The following RABGAP1 variants were observed in gnomAD, a reference collection of about 807,000 sequenced individuals.
RABGAP1 encodes RAB GTPase activating protein 1.
In RABGAP1, 23 loss-of-function variants were observed where a neutral mutation model predicts 137.6. That is an observed-to-expected ratio of 0.17 (90% CI 0.12 to 0.24). RABGAP1 has a LOEUF of 0.24. RABGAP1 is among the 10% of genes least tolerant of loss of function. The probability of loss-of-function intolerance (pLI) is 1.00; values close to 1 mark genes in which losing one functional copy is unlikely to be tolerated. For synonymous variants in RABGAP1, 451 were observed against 450.7 expected (o/e 1.00, Z -0.01); for missense variants, 906 against 1,275.8 (o/e 0.71, Z 4.42).
At chr9:122,946,284 TG>T (rs2131586478) in intron 1 of RABGAP1, among the ~76,000 whole-genome samples, 1 of 152,330 alleles carries the variant, frequency 6.6e-6, no homozygotes, top group Non-Finnish European at 1.5e-5. Context: ...TTGAATGATT[TG>T]CCTGCTGAGT....
intron 4 of RABGAP1, among the ~76,000 whole-genome samples, chr9:122,988,754 T>C (rs961430606): frequency 1.3e-5 from 2 of 151,854 alleles, no homozygotes; most frequent in South Asian, 2.1e-4. Context: ...TTGAGACCAT[T>C]CTGGCTAACC....
chr9:123,038,254 G>A (rs2032773650), intron 13 of RABGAP1, among the ~76,000 whole-genome samples: 2 of 152,024 alleles, frequency 1.3e-5, no homozygotes, highest in South Asian at 4.2e-4. Flanking sequence ...TTCCATTTTG[G>A]AAAAGGTTTT....
chr9:123,052,185 A>T (rs367819006), intron 13 of RABGAP1, among the ~76,000 whole-genome samples: 2 of 152,152 alleles, frequency 1.3e-5, no homozygotes, highest in Non-Finnish European at 2.9e-5. Flanking sequence ...CACTTTTACA[A>T]TATGTTCATT....
At chr9:122,974,224 TA>T (rs1425951721) in intron 2 of RABGAP1, among the ~76,000 whole-genome samples, 1 of 151,966 alleles carries the variant, frequency 6.6e-6, no homozygotes, top group Non-Finnish European at 1.5e-5. Flanking sequence ...AATTGTTGCC[TA>T]AAGAAGAAAA....
At chr9:122,987,098 C>T (rs575169121) in intron 4 of RABGAP1, among the ~76,000 whole-genome samples, 11 of 152,152 alleles carry the variant, frequency 7.2e-5, no homozygotes, top group African/African-American at 2.7e-4. Context: ...GATCATGCCA[C>T]TTCACTCCAG....
In RABGAP1 at chr9:122,996,028, T is replaced by C. The variant is rs1837006595; in HGVS notation, c.924-13T>C. ...AATGCTTTGCAAAATTAATGAAACA[T>C]GTTGGTCTACAGTGCAGTTCCCAAA... On this transcript the variant is annotated splice_polypyrimidine_tract_variant and intron_variant, in intron 6 of 25. Transcript: ENST00000373647. The C allele has an allele frequency of 2.6e-6, 4 of 1,565,474 alleles. No individual in the cohort carries two copies. In the African/African-American group the frequency reaches 4.2e-5, roughly 16 times the overall value.
intron 13 of RABGAP1, among the ~76,000 whole-genome samples, chr9:123,023,755 T>C (rs190121542): frequency 1.3e-5 from 2 of 152,346 alleles, no homozygotes; most frequent in Admixed American, 1.3e-4. Context: ...ATTATACTTA[T>C]TTAGACAATA....
chr9:123,087,127 T>C (rs182886225), intron 19 of RABGAP1, among the ~76,000 whole-genome samples: 3 of 152,318 alleles, frequency 2.0e-5, no homozygotes, highest in Admixed American at 2.0e-4. Context: ...CAACTCTTGT[T>C]ATATATGATA....
intron 10 of RABGAP1, among the ~76,000 whole-genome samples, chr9:122,999,434 G>A (rs895728330): frequency 2.0e-5 from 3 of 151,280 alleles, no homozygotes; most frequent in Non-Finnish European, 2.9e-5. Flanking sequence ...CAGGTCATCC[G>A]CCCACCTCAG....
At chr9:122,981,627 G>A (rs1046599848) in intron 2 of RABGAP1, among the ~76,000 whole-genome samples, 12 of 152,180 alleles carry the variant, frequency 7.9e-5, no homozygotes, top group African/African-American at 2.9e-4. Context: ...GTCTGTCTTA[G>A]CAAGCTCTCC....
chr9:123,016,981 C>T (rs192944801), intron 12 of RABGAP1, among the ~76,000 whole-genome samples: 3 of 152,242 alleles, frequency 2.0e-5, no homozygotes, highest in Admixed American at 6.5e-5. Flanking sequence ...AACCAAAGCA[C>T]GATTTGTCTT....
At chr9:123,021,919 A>G (rs772509083) in intron 13 of RABGAP1, among the ~76,000 whole-genome samples, 3 of 152,248 alleles carry the variant, frequency 2.0e-5, no homozygotes, top group Non-Finnish European at 2.9e-5. Flanking sequence ...TAACAGTTCT[A>G]TCTGGGAGAA....
At chr9:122,936,498 GTC>G (rs1715300772), upstream of RABGAP1, among the ~76,000 whole-genome samples, 1 of 152,180 alleles carries the variant, frequency 6.6e-6, no homozygotes, top group Non-Finnish European at 1.5e-5. Context: ...GTTAATTTCA[GTC>G]TCTGTCAGCT....
rs563575065 is a variant in RABGAP1 at position 122,979,225 on chromosome 9, G to T, written c.151-5260G>T. 3.9e-5 allele frequency among the ~76,000 whole-genome samples: 6 copies of T among 152,192 alleles called. No homozygotes were observed. In the East Asian group the frequency reaches 9.7e-4, roughly 24 times the overall value. On this transcript the variant is annotated intron_variant, in intron 2 of 25. Transcript: ENST00000373647. ...TAGTCATTCTTATAAGGGTATAGAG[G>T]CATCCTATTATAATTTCTATTTCCC...
rs1564193686 is a variant in RABGAP1 at position 123,098,763 on chromosome 9, A to T, written c.2782A>T (p.Lys928Ter). ...ACTCGACAAGGCAGAATCTGAGATT[A>T]AAAAAAACAGTTCTATCATTGGTGA... ...RELDKAESEI[K>*]KNSSIIGDYK... Residue 928 changes from lysine to a stop codon, truncating the protein, a stop_gained, in exon 23 of 26, where the codon AAA becomes TAA. Coordinates refer to ENST00000373647, the MANE Select transcript of RABGAP1 (RefSeq NM_012197.4). LOFTEE classifies it high-confidence loss of function. 1 of 1,609,112 alleles carries T rather than the reference A, an allele frequency of 6.2e-7. No homozygotes were observed. The highest frequency in any genetic ancestry group is 1.1e-5 in the South Asian group (1 of 90,768).
chr9:123,074,566 T>C, intron 17 of RABGAP1, 138 bp downstream of exon 17: 1 of 955,050 alleles, frequency 1.0e-6, no homozygotes, highest in Non-Finnish European at 1.5e-6. Flanking sequence ...GAAATCTAGG[T>C]TTAAGTGACT....
intron 13 of RABGAP1, among the ~76,000 whole-genome samples, chr9:123,057,117 C>T (rs1253107625): frequency 2.7e-4 from 41 of 150,396 alleles, no homozygotes; most frequent in African/African-American, 7.4e-4. Context: ...GACCCCCCCA[C>T]CTCCCTCCCG....
intron 2 of RABGAP1, among the ~76,000 whole-genome samples, chr9:122,975,058 C>G (rs1564371486): frequency 2.0e-5 from 3 of 152,170 alleles, no homozygotes; most frequent in African/African-American, 7.2e-5. Context: ...AATTGCTCAG[C>G]TTTTACACTG....
chr9:122,993,058 TATA>T (rs1282223035), intron 6 of RABGAP1, among the ~76,000 whole-genome samples: 9 of 151,872 alleles, frequency 5.9e-5, no homozygotes, highest in Non-Finnish European at 1.3e-4. Flanking sequence ...ACATACTGTG[TATA>T]ATATTAATAG....
Sources: allele counts gnomAD v4.1 joint callset (sites outside exome capture counted in the v4.1 genomes callset), GRCh38; gene constraint gnomAD v4.1.1; transcripts MANE v1.5; gene names NCBI Gene and HGNC (gene_info 2026-07-23, HGNC 2026-07-21).